Variants in KMT5A observed in about 807,000 individuals in gnomAD.
KMT5A encodes the protein N-lysine methyltransferase KMT5A.
In KMT5A, 6 loss-of-function variants were observed where a neutral mutation model predicts 40.6. That is an observed-to-expected ratio of 0.15 (90% CI 0.08 to 0.29). The LOEUF is 0.29. Ranked by LOEUF, KMT5A falls within the 10% of genes least tolerant of loss-of-function variation. KMT5A has a pLI of 1.00. For missense variants in KMT5A, 308 were observed against 459.1 expected (o/e 0.67, Z 3.01); for synonymous variants, 153 against 178.8 (o/e 0.86, Z 1.15).
At chr12:123,390,288 C>T (rs1877200463) in intron 2 of KMT5A, 1 of 385,692 alleles carries the variant, frequency 2.6e-6, no homozygotes, top group Non-Finnish European at 5.0e-6. Flanking sequence ...CAGTGAACTC[C>T]TAAAGATAGC....
intron 7 of KMT5A, among the ~76,000 whole-genome samples, chr12:123,406,024 T>C (rs925705454): frequency 6.6e-6 from 1 of 152,094 alleles, no homozygotes; most frequent in Non-Finnish European, 1.5e-5. Context: ...TTTCACTGTG[T>C]TAGCCAGGAT....
chr12:123,397,016 C>T (rs976595906), intron 5 of KMT5A, among the ~76,000 whole-genome samples: 1 of 152,230 alleles, frequency 6.6e-6, no homozygotes, highest in African/African-American at 2.4e-5. Flanking sequence ...CCATGCTTGG[C>T]ACTCAGTAAG....
intron 4 of KMT5A, 30 bp downstream of exon 4, chr12:123,395,296 C>T (rs768169051): frequency 4.4e-6 from 7 of 1,598,962 alleles, no homozygotes; most frequent in South Asian, 2.2e-5. Flanking sequence ...CTCTTCCTAA[C>T]GTGGAGCAGT....
At chr12:123,400,733 A>T (rs900320330) in intron 5 of KMT5A, among the ~76,000 whole-genome samples, 1 of 152,154 alleles carries the variant, frequency 6.6e-6, no homozygotes, top group African/African-American at 2.4e-5. Context: ...ATCTTCTCTC[A>T]CTTAAGTTAC....
In KMT5A at chr12:123,408,378, C is replaced by T. The variant is rs1878728634; in HGVS notation, c.*675C>T. ...GGCGTGAAATCAAACTAGATGTGGG[C>T]AGGGAGAGGGTTGCTTACCTGCCCT... On this transcript the variant is annotated 3_prime_UTR_variant, in exon 8 of 8. Transcript: ENST00000402868. 6.6e-6 allele frequency: 1 copy of T among 152,274 alleles called. No homozygotes were observed. Among genetic ancestry groups the T allele is most frequent in the African/African-American group, 2.4e-5 (1 of 41,316 alleles). The allele number at this position is 152,274 out of a possible 1,614,324, so 9.4% of individuals were successfully genotyped here.
rs1456958066 is a variant in KMT5A at position 123,384,332 on chromosome 12, AC to A, written c.10+127del. The A allele has an allele frequency of 4.6e-5, 62 of 1,355,226 alleles. No individual in the cohort carries two copies. Among genetic ancestry groups the A allele is most frequent in the Non-Finnish European group, 1.1e-5 (11 of 988,006 alleles). 84.0% of individuals were successfully genotyped at this position (1,355,226 alleles called of 1,614,324 possible). ...CGGGTGGCTCGGGGCAAGCTTGGGG[AC>A]CCGCGTGGGGGGAGAGGGGGTGCTG... On this transcript the variant is annotated intron_variant, in intron 1 of 7. Coordinates refer to ENST00000402868, the MANE Select transcript of KMT5A (RefSeq NM_020382.7). This position sits in a 1 kb window ranked among gnomAD's most constrained non-coding sequence, Gnocchi z 5.7.
intron 5 of KMT5A, among the ~76,000 whole-genome samples, chr12:123,399,882 G>A (rs1878016945): frequency 6.6e-6 from 1 of 152,018 alleles, no homozygotes; most frequent in Non-Finnish European, 1.5e-5. Context: ...GGAGTGCAAT[G>A]GCGCGATCTT....
At chr12:123,397,841 T>G (rs1345139955) in intron 5 of KMT5A, among the ~76,000 whole-genome samples, 1 of 580 alleles carries the variant, frequency 1.7e-3, no homozygotes, top group African/African-American at 0.013. Flanking sequence ...TAATTTTGTA[T>G]TTTTTTTTTT....
chr12:123,387,475 C>G (rs1426826216), intron 1 of KMT5A, among the ~76,000 whole-genome samples: 2 of 152,222 alleles, frequency 1.3e-5, no homozygotes, highest in Non-Finnish European at 2.9e-5. Flanking sequence ...ATAGAAGACG[C>G]TTTCAAATGG....
At chr12:123,395,291 C>G (rs886341032) in intron 4 of KMT5A, 25 bp downstream of exon 4, 1 of 1,603,412 alleles carries the variant, frequency 6.2e-7, no homozygotes. Context: ...CAGTCCTCTT[C>G]CTAACGTGGA....
chr12:123,390,431 G>A (rs1033847183), intron 2 of KMT5A, among the ~76,000 whole-genome samples, 199 bp from the exon 3 acceptor site: 7 of 152,148 alleles, frequency 4.6e-5, no homozygotes, highest in Non-Finnish European at 1.0e-4. Context: ...AGACCAGCGC[G>A]TTTAGGAAAC....
chr12:123,395,891 C>A (rs1019852145), intron 4 of KMT5A, among the ~76,000 whole-genome samples: 1 of 151,744 alleles, frequency 6.6e-6, no homozygotes, highest in South Asian at 2.1e-4. Flanking sequence ...GGGTCTTATT[C>A]TGTCATCCAG....
At position 123,390,863 on chromosome 12, in the gene KMT5A, A is replaced by G. The variant is rs565098773; in HGVS notation, c.289+77A>G. 57 of 1,500,238 alleles carry G rather than the reference A, an allele frequency of 3.8e-5. No individual in the cohort carries two copies. In the Middle Eastern group the frequency reaches 7.0e-4, roughly 19 times the overall value. The allele number at this position is 1,500,238 out of a possible 1,614,324, so 92.9% of individuals were successfully genotyped here. A position where few individuals can be genotyped will look rare whatever the true frequency, so the allele number is the denominator to read the frequency against. ...GCCTCTGTCCTCTGCAAGAATGCAC[A>G]TATGTATTTATCCAACCTTTTCAGT... On this transcript the variant is annotated intron_variant, in intron 3 of 7. Transcript: ENST00000402868.
rs751983202 is a variant in KMT5A, at chr12:123,384,181, C to A, written c.-18C>A. On this transcript the variant is annotated 5_prime_UTR_variant, in exon 1 of 8. Coordinates refer to ENST00000402868, the MANE Select transcript of KMT5A (RefSeq NM_020382.7). This position sits in a 1 kb window ranked among gnomAD's most constrained non-coding sequence, Gnocchi z 5.7. ...GCTGGGTTTCCCGGGAGATCCCAGG[C>A]GGTGACAGAGTGGAGCCATGGCTAG... 20 of 1,613,486 alleles carry A rather than the reference C, an allele frequency of 1.2e-5. No individual in the cohort carries two copies. The South Asian group carries it at 2.1e-4, about 17-fold the overall frequency.
At chr12:123,405,155 TG>T (rs1469327449) in intron 7 of KMT5A, 81 bp downstream of exon 7, 2 of 1,358,372 alleles carry the variant, frequency 1.5e-6, no homozygotes, top group Non-Finnish European at 2.0e-6. Context: ...CTCCTGATTC[TG>T]TTTGGTGGCC....
At chr12:123,386,493 G>A (rs1231022754) in intron 1 of KMT5A, among the ~76,000 whole-genome samples, 1 of 152,154 alleles carries the variant, frequency 6.6e-6, no homozygotes, top group African/African-American at 2.4e-5. Flanking sequence ...TGGGATTACA[G>A]GCAAAAGCCA....
Position 123,389,460 on chromosome 12 carries a change from T to G in KMT5A, c.38T>G (p.Val13Gly). ...AGGAAGATGTCCAAGCCCCGCGCGG[T>G]GGAGGCGGCGGCGGCGGCGGCGGCG... ...RGRKMSKPRAVEAAAAAAAVA... is the reference protein window; with the variant it reads ...RGRKMSKPRAGEAAAAAAAVA... The change falls in exon 2 of 8, where the codon GTG becomes GGG. Residue 13 changes from valine (V) to glycine (G), a missense_variant. By Grantham distance (109) the Val-to-Gly change is moderately radical. Around this residue, in one of 4 missense-constraint regions of KMT5A, gnomAD observed 92 missense variants for 78.3 expected, o/e 1.18. Coordinates refer to ENST00000402868, the MANE Select transcript of KMT5A (RefSeq NM_020382.7). The G allele has an allele frequency of 4.6e-6, 5 of 1,078,902 alleles. No homozygotes were observed. Among genetic ancestry groups the G allele is most frequent in the Non-Finnish European group, 4.5e-6 (4 of 898,738 alleles). 66.8% of individuals were successfully genotyped at this position (1,078,902 alleles called of 1,614,324 possible). A position where few individuals can be genotyped will look rare whatever the true frequency, so the allele number is the denominator to read the frequency against.
chr12:123,399,533 C>G (rs549012999), intron 5 of KMT5A, among the ~76,000 whole-genome samples: 24 of 152,232 alleles, frequency 1.6e-4, no homozygotes, highest in Non-Finnish European at 3.2e-4. Flanking sequence ...ACATGGGCCC[C>G]CGTACTTCTC....
chr12:123,392,278 G>C (rs897906485), intron 3 of KMT5A, among the ~76,000 whole-genome samples: 3 of 152,090 alleles, frequency 2.0e-5, no homozygotes, highest in Non-Finnish European at 4.4e-5. Context: ...TTAAAATAGG[G>C]CAGTCTATAC....
Sources: allele counts gnomAD v4.1 joint callset (sites outside exome capture counted in the v4.1 genomes callset), GRCh38; gene constraint gnomAD v4.1.1; regional missense constraint gnomAD v4.1.1; non-coding constraint Gnocchi (gnomAD v3.1); transcripts MANE v1.5; gene names NCBI Gene and HGNC (gene_info 2026-07-23, HGNC 2026-07-21).